The following RORA variants were observed in gnomAD, a reference collection of about 807,000 sequenced individuals.
RORA encodes RAR related orphan receptor A.
RORA carries 7 observed loss-of-function variants against 69.5 expected under a neutral mutation model. The ratio of observed to expected loss-of-function variants is 0.10; its 90% confidence interval spans 0.06 to 0.19. RORA has a LOEUF of 0.19. Ranked by LOEUF, RORA falls within the 10% of genes least tolerant of loss-of-function variation. The pLI, the probability that RORA is intolerant of heterozygous loss-of-function variation, is 1.00. For synonymous variants in RORA, 261 were observed against 240.8 expected (o/e 1.08, Z -0.78); for missense variants, 457 against 663.0 (o/e 0.69, Z 3.41).
intron 2 of RORA, among the ~76,000 whole-genome samples, chr15:60,642,085 C>T (rs961681068): frequency 6.6e-6 from 1 of 152,100 alleles, no homozygotes; most frequent in East Asian, 1.9e-4. Context: ...CAGGTGAGCT[C>T]GGGCTGTGTG....
chr15:60,904,882 T>G (rs1891490862), intron 1 of RORA, among the ~76,000 whole-genome samples: 1 of 152,072 alleles, frequency 6.6e-6, no homozygotes, highest in Non-Finnish European at 1.5e-5. Context: ...AGGCCAATGT[T>G]GAAGACATTG....
chr15:61,096,555 C>T (rs1254623498), intron 1 of RORA, among the ~76,000 whole-genome samples: 2 of 152,156 alleles, frequency 1.3e-5, no homozygotes, highest in African/African-American at 4.8e-5. Flanking sequence ...TTATCTGTTA[C>T]AACCAAGTCC....
At chr15:60,930,391 T>C (rs1892340813) in intron 1 of RORA, among the ~76,000 whole-genome samples, 1 of 152,166 alleles carries the variant, frequency 6.6e-6, no homozygotes, top group African/African-American at 2.4e-5. Context: ...AGATCCAATT[T>C]CTTAAGTGCC....
At chr15:60,754,624 T>G (rs1003323020) in intron 1 of RORA, among the ~76,000 whole-genome samples, 4 of 152,158 alleles carry the variant, frequency 2.6e-5, no homozygotes, top group Non-Finnish European at 5.9e-5. Flanking sequence ...TCCACATCCT[T>G]GAGGATACAT....
intron 1 of RORA, among the ~76,000 whole-genome samples, chr15:61,083,246 C>T (rs1424897456): frequency 6.6e-6 from 1 of 152,174 alleles, no homozygotes; most frequent in Non-Finnish European, 1.5e-5. Flanking sequence ...TGAAAGCATC[C>T]AAATGGGTCA....
intron 2 of RORA, among the ~76,000 whole-genome samples, chr15:60,623,948 A>G (rs1482960869): frequency 6.6e-6 from 1 of 152,112 alleles, no homozygotes; most frequent in African/African-American, 2.4e-5. Flanking sequence ...ATAGTTGCCA[A>G]CATTTTCCCA....
At chr15:60,706,403 T>A (rs2071063687) in intron 1 of RORA, 1 of 152,230 alleles carries the variant, frequency 6.6e-6, no homozygotes, top group African/African-American at 2.4e-5. Flanking sequence ...TGTCCATTGT[T>A]CTCTGCAAAG....
rs2065161592 is a variant in RORA at position 60,496,121 on chromosome 15, G to A, written c.*1334C>T. ...ATCCATCGTTTTTCAAATATGGAGA[G>A]CAACATTCTTGAATTATAGCATCTA... On this transcript the variant is annotated 3_prime_UTR_variant, in exon 11 of 11. Coordinates refer to ENST00000335670, the MANE Select transcript of RORA (RefSeq NM_134261.3). The surrounding 1 kb of genome is among the most constrained non-coding windows in gnomAD (Gnocchi z 4.5). 6.6e-6 allele frequency: 1 copy of A among 152,064 alleles called. No homozygotes were observed. 9.4% of individuals were successfully genotyped at this position (152,064 alleles called of 1,614,324 possible).
intron 1 of RORA, among the ~76,000 whole-genome samples, chr15:61,116,017 A>G (rs1353438369): frequency 6.6e-6 from 1 of 152,188 alleles, no homozygotes; most frequent in Non-Finnish European, 1.5e-5. Flanking sequence ...ACTGTAGACC[A>G]GGCAATGTAA....
intron 1 of RORA, among the ~76,000 whole-genome samples, chr15:60,724,244 A>C (rs1285990365): frequency 6.6e-6 from 1 of 152,234 alleles, no homozygotes; most frequent in Non-Finnish European, 1.5e-5. Flanking sequence ...AAGGATGGTA[A>C]TTCTTATTAT....
At chr15:61,173,602 G>C (rs2079603544) in intron 1 of RORA, among the ~76,000 whole-genome samples, 1 of 152,164 alleles carries the variant, frequency 6.6e-6, no homozygotes, top group Non-Finnish European at 1.5e-5. Context: ...AATATCGTCT[G>C]ATGCTCTGGA....
chr15:61,092,049 T>C (rs570816110), intron 1 of RORA, among the ~76,000 whole-genome samples: 7 of 152,340 alleles, frequency 4.6e-5, no homozygotes, highest in African/African-American at 1.7e-4. Flanking sequence ...AGTTGGTCTA[T>C]GCAATAATGG....
intron 1 of RORA, among the ~76,000 whole-genome samples, chr15:61,021,275 C>T (rs1895508697): frequency 6.6e-6 from 1 of 152,278 alleles, no homozygotes; most frequent in African/African-American, 2.4e-5. Context: ...TAGTGGGAGA[C>T]TAGAAAGGCA....
chr15:60,943,428 A>C (rs1892761268), intron 1 of RORA, among the ~76,000 whole-genome samples: 1 of 151,916 alleles, frequency 6.6e-6, no homozygotes, highest in Non-Finnish European at 1.5e-5. Context: ...TATCAAGGTC[A>C]TACTTAAAAA....
intron 1 of RORA, among the ~76,000 whole-genome samples, chr15:60,875,610 T>G (rs956820760): frequency 6.6e-6 from 1 of 152,220 alleles, no homozygotes; most frequent in Non-Finnish European, 1.5e-5. Context: ...TGGGCTGTGC[T>G]GTATGGAGAG....
rs531728941 is a variant in RORA at position 60,699,038 on chromosome 15, A to C, written c.167-20352T>G. 7.2e-5 allele frequency among the ~76,000 whole-genome samples: 11 copies of C among 152,014 alleles called. No homozygotes were observed. In the East Asian group the frequency reaches 2.1e-3, roughly 30 times the overall value. On this transcript the variant is annotated intron_variant, in intron 1 of 10. Coordinates refer to ENST00000335670, the MANE Select transcript of RORA (RefSeq NM_134261.3). The stretch of plus-strand genomic sequence containing the variant: ...TTAATCATATGTTGCTTGTCTCCCC[A>C]GTTTTTCTTTTAAATTTTGTTTAGT...
At chr15:60,938,886 G>A (rs6494236) in intron 1 of RORA, among the ~76,000 whole-genome samples, 148,389 of 152,346 alleles carry the variant, frequency 0.97, 72,399 homozygotes, top group East Asian at 1. Context: ...TGTAAACTCC[G>A]AGTAATATCT....
chr15:60,519,854 ACAAT>A (rs927928871), intron 3 of RORA: 26 of 150,590 alleles, frequency 1.7e-4, no homozygotes, highest in African/African-American at 5.1e-4. Flanking sequence ...AAACAAACAA[ACAAT>A]GAAACTTACT....
At chr15:61,164,228 G>T (rs1303695679) in intron 1 of RORA, among the ~76,000 whole-genome samples, 2 of 152,060 alleles carry the variant, frequency 1.3e-5, no homozygotes, top group Non-Finnish European at 2.9e-5. Flanking sequence ...GGTTTCATCA[G>T]CACTTTAGAG....
Sources: gnomAD v4.1 joint callset for allele counts (sites outside exome capture counted in the v4.1 genomes callset) on GRCh38, gnomAD v4.1.1 for gene constraint, Gnocchi (gnomAD v3.1) non-coding constraint, MANE v1.5 for transcripts, NCBI Gene and HGNC (gene_info 2026-07-23, HGNC 2026-07-21) for gene names.